PRKG1: variants seen among roughly 807,000 people sequenced by gnomAD.
PRKG1 encodes cGMP-dependent protein kinase 1.
In PRKG1, 35 loss-of-function variants were observed where a neutral mutation model predicts 88.1. That is an observed-to-expected ratio of 0.40 (90% CI 0.30 to 0.53). PRKG1 has a LOEUF of 0.53. Among genes scored for constraint, PRKG1 ranks in the 20% least tolerant of loss-of-function variants. The pLI is 0.59. For missense variants in PRKG1, 540 were observed against 839.8 expected, an observed-to-expected ratio of 0.64 and a Z score of 4.41; for synonymous variants, 303 against 292.5, an observed-to-expected ratio of 1.04 and a Z score of -0.37.
rs1016553061 is a variant in PRKG1 at position 51,418,529 on chromosome 10, T to A, written c.479-49194T>A. 1.3e-5 allele frequency among the ~76,000 whole-genome samples: 2 copies of A among 152,184 alleles called. 1 individual carries two copies. Among genetic ancestry groups the A allele is most frequent in the South Asian group, 4.1e-4 (2 of 4,834 alleles). The stretch of plus-strand genomic sequence containing the variant: ...GGACCTAACTACAGATATATCTAGT[T>A]CTTGGAAGCCCAATCTTTTGATAAA... On this transcript the variant is annotated intron_variant, in intron 2 of 17. Coordinates refer to ENST00000373980, the MANE Select transcript of PRKG1 (RefSeq NM_006258.4).
At chr10:51,595,617 G>A (rs1838424797) in intron 3 of PRKG1, among the ~76,000 whole-genome samples, 1 of 137,628 alleles carries the variant, frequency 7.3e-6, no homozygotes, top group East Asian at 2.3e-4. Flanking sequence ...GTGACAGAGT[G>A]AGACTCTGCC....
intron 2 of PRKG1, among the ~76,000 whole-genome samples, chr10:51,278,873 A>G (rs10822595): frequency 0.42 from 63,670 of 151,866 alleles, 13,819 homozygotes; most frequent in African/African-American, 0.51. Flanking sequence ...GCTAGCGGTC[A>G]ATCAATTTTA....
chr10:51,462,113 A>G (rs1325907830), intron 2 of PRKG1, among the ~76,000 whole-genome samples: 2 of 152,174 alleles, frequency 1.3e-5, no homozygotes, highest in Admixed American at 6.5e-5. Flanking sequence ...AAAAGCCACA[A>G]ACTCCAACCT....
intron 5 of PRKG1, among the ~76,000 whole-genome samples, chr10:51,916,528 A>C (rs1842343633): frequency 6.6e-6 from 1 of 152,076 alleles, no homozygotes; most frequent in Non-Finnish European, 1.5e-5. Flanking sequence ...TTAGTCCTTT[A>C]CTTTCTTAAT....
chr10:51,003,165 A>AAACAAC lies in PRKG1; in HGVS notation c.266+11562_266+11567dup, dbSNP rs67761270. ...ATGCTTTCTCGTGTCTGCAGGGCCA[A>AAACAAC]AACAACAACAACAACAACAACAACA... On this transcript the variant is annotated intron_variant, in intron 1 of 17. Coordinates refer to the PRKG1 transcript ENST00000401604. Among the ~76,000 whole-genome samples the AAACAAC allele has an allele frequency of 2.3e-3, 355 of 151,068 alleles. 1 individual carries two copies. Among genetic ancestry groups the AAACAAC allele is most frequent in the African/African-American group, 3.5e-3 (142 of 41,016 alleles).
intron 2 of PRKG1, among the ~76,000 whole-genome samples, chr10:51,384,793 C>T (rs145908416): frequency 1.5e-3 from 224 of 152,246 alleles, no homozygotes; most frequent in Non-Finnish European, 2.5e-3. Context: ...ACTCATATTT[C>T]CATGGAATTC....
chr10:51,705,207 C>G, intron 3 of PRKG1, among the ~76,000 whole-genome samples: 1 of 152,218 alleles, frequency 6.6e-6, no homozygotes, highest in East Asian at 1.9e-4. Context: ...TTCTGTTCTT[C>G]AATGCTCACC....
chr10:51,110,832 C>G (rs1246293325), intron 1 of PRKG1, among the ~76,000 whole-genome samples: 1 of 152,006 alleles, frequency 6.6e-6, no homozygotes, highest in Non-Finnish European at 1.5e-5. Flanking sequence ...ACTGCGGAAT[C>G]CACTTAAAAG....
chr10:52,054,916 C>G (rs1846074575), intron 6 of PRKG1, among the ~76,000 whole-genome samples: 1 of 152,124 alleles, frequency 6.6e-6, no homozygotes, highest in African/African-American at 2.4e-5. Flanking sequence ...AGGTGGATCA[C>G]TCGAGCTCAG....
intron 1 of PRKG1, among the ~76,000 whole-genome samples, chr10:51,149,034 C>T (rs1846002961): frequency 6.6e-6 from 1 of 152,092 alleles, no homozygotes; most frequent in Non-Finnish European, 1.5e-5. Context: ...TCACTGTATG[C>T]TTCAACCATA....
At chr10:52,048,752 G>A (rs757669547) in intron 5 of PRKG1, among the ~76,000 whole-genome samples, 2 of 152,128 alleles carry the variant, frequency 1.3e-5, no homozygotes, top group Non-Finnish European at 2.9e-5. Flanking sequence ...TCAAGTTATT[G>A]TCTTTGGGGA....
At chr10:51,360,046 T>A (rs1842447055) in intron 2 of PRKG1, among the ~76,000 whole-genome samples, 1 of 151,878 alleles carries the variant, frequency 6.6e-6, no homozygotes, top group South Asian at 2.1e-4. Context: ...ACCCCCATAA[T>A]GAGGGAAAAT....
intron 2 of PRKG1, among the ~76,000 whole-genome samples, chr10:51,397,833 A>G (rs539495691): frequency 7.9e-4 from 120 of 152,230 alleles, no homozygotes; most frequent in African/African-American, 2.8e-3. Flanking sequence ...AACCAGCTGT[A>G]CTTTGGCAGG....
intron 4 of PRKG1, among the ~76,000 whole-genome samples, chr10:51,818,999 T>A: frequency 1.8e-5 from 1 of 54,124 alleles, no homozygotes; most frequent in Admixed American, 2.8e-4. Flanking sequence ...AGAGCGAGAC[T>A]CCGTCTCAAA....
intron 5 of PRKG1, among the ~76,000 whole-genome samples, chr10:51,960,041 T>C (rs1428984785): frequency 2.0e-5 from 3 of 152,092 alleles, no homozygotes; most frequent in Non-Finnish European, 2.9e-5. Context: ...ATTACAGTGT[T>C]CTATAGCTGC....
chr10:51,470,957 C>A (rs1840032931), intron 3 of PRKG1, among the ~76,000 whole-genome samples: 1 of 151,548 alleles, frequency 6.6e-6, no homozygotes, highest in Admixed American at 6.6e-5. Flanking sequence ...TCTGATAGCA[C>A]CAGGAATAAT....
At chr10:51,861,081 A>T (rs1315098342) in intron 4 of PRKG1, among the ~76,000 whole-genome samples, 2 of 152,242 alleles carry the variant, frequency 1.3e-5, no homozygotes, top group African/African-American at 4.8e-5. Context: ...TGAGATAAAA[A>T]AAAAGTATAC....
At chr10:51,998,473 T>C (rs959245489) in intron 5 of PRKG1, among the ~76,000 whole-genome samples, 1 of 152,210 alleles carries the variant, frequency 6.6e-6, no homozygotes, top group Non-Finnish European at 1.5e-5. Context: ...ATTACTTTTT[T>C]GACAGATCAT....
intron 1 of PRKG1, among the ~76,000 whole-genome samples, chr10:50,993,938 T>G (rs1842807620): frequency 2.0e-5 from 3 of 152,222 alleles, no homozygotes; most frequent in Admixed American, 2.0e-4. Context: ...ATTTTCATGT[T>G]AGGGGTAGGA....
Sources: gnomAD v4.1 joint callset for allele counts (sites outside exome capture counted in the v4.1 genomes callset) on GRCh38, gnomAD v4.1.1 for gene constraint, MANE v1.5 for transcripts, NCBI Gene and HGNC (gene_info 2026-07-23, HGNC 2026-07-21) for gene names.